The following UGT2B11 variants were observed in gnomAD, a reference collection of about 807,000 sequenced individuals.
UGT2B11 encodes UDP-glucuronosyltransferase 2B11.
A neutral mutation model predicts 51.7 loss-of-function variants in UGT2B11; 49 were observed. The observed-to-expected ratio is 0.95, with a 90% CI of 0.75 to 1.20. The LOEUF (loss-of-function observed/expected upper bound fraction) is 1.20, where lower values mean the gene tolerates loss of function less well. Ranked by LOEUF, UGT2B11 falls within the 50% of genes most tolerant of loss-of-function variation. The pLI is 0.00. For synonymous variants in UGT2B11, 273 were observed against 209.0 expected (o/e 1.31, Z -2.64); for missense variants, 810 against 622.1 (o/e 1.30, Z -3.21).
the UGT2B11 span, among the ~76,000 whole-genome samples, chr4:69,224,722 G>A: frequency 2.0e-5 from 3 of 149,854 alleles, no homozygotes; most frequent in South Asian, 4.3e-4. Flanking sequence ...CCCTTGGTGA[G>A]GGTGAGAGAG....
chr4:69,220,336 T>C, the UGT2B11 span, among the ~76,000 whole-genome samples: 7 of 152,118 alleles, frequency 4.6e-5, no homozygotes, highest in Admixed American at 3.9e-4. Flanking sequence ...CTGTGGTTTT[T>C]CCAGTTGCAT....
chr4:69,218,460 G>A (rs565768435), upstream of UGT2B11, among the ~76,000 whole-genome samples: 137 of 152,236 alleles, frequency 9.0e-4, 1 homozygote, highest in African/African-American at 3.2e-3. Flanking sequence ...TATCACAAAT[G>A]TATCAATATG....
the UGT2B11 span, among the ~76,000 whole-genome samples, chr4:69,221,712 A>G: frequency 9.9e-5 from 15 of 152,234 alleles, no homozygotes; most frequent in African/African-American, 2.4e-4. Flanking sequence ...ACAGACTTTG[A>G]GGACAGTCAT....
upstream of UGT2B11, chr4:69,214,857 G>C: frequency 7.2e-7 from 1 of 1,382,952 alleles, no homozygotes; most frequent in Non-Finnish European, 9.7e-7. Context: ...TGAGTACATG[G>C]ATGGCAAGGA....
At chr4:69,218,249 A>G (rs1329232124), upstream of UGT2B11, among the ~76,000 whole-genome samples, 2 of 152,212 alleles carry the variant, frequency 1.3e-5, no homozygotes, top group Non-Finnish European at 2.9e-5. Context: ...GTACCAAGAG[A>G]GGTCAGAAAA....
At chr4:69,211,420 A>C (rs1722059446) in intron 2 of UGT2B11, among the ~76,000 whole-genome samples, 1 of 151,574 alleles carries the variant, frequency 6.6e-6, no homozygotes, top group African/African-American at 2.4e-5. Context: ...TGACTTTGCA[A>C]GAGAATATAA....
intron 5 of UGT2B11, chr4:69,204,169 G>T: frequency 3.7e-6 from 1 of 273,002 alleles, no homozygotes. Context: ...TTTAAGAAAT[G>T]TATTTTTTAT....
In UGT2B11 at chr4:69,211,117, G is replaced by C. The variant is rs572031235; in HGVS notation, c.870+1456C>G. The C allele has an allele frequency of 3.3e-5, 5 of 151,674 alleles. No homozygotes were observed. In the South Asian group the frequency reaches 8.3e-4, roughly 25 times the overall value. 9.4% of individuals were successfully genotyped at this position (151,674 alleles called of 1,614,324 possible). On this transcript the variant is annotated intron_variant, in intron 2 of 5. Coordinates refer to ENST00000446444, the MANE Select transcript of UGT2B11 (RefSeq NM_001073.3). ...TCCAGAAAGCTTTACTGATTTGCTT[G>C]TCATAAGGCAGACATCATCTGCTCT...
the UGT2B11 span, among the ~76,000 whole-genome samples, chr4:69,221,180 A>T: frequency 2.4e-3 from 368 of 152,304 alleles, no homozygotes; most frequent in African/African-American, 8.3e-3. Flanking sequence ...ATAGGCTGTG[A>T]TATCACAGAT....
chr4:69,209,487 T>A (rs1262944789), intron 2 of UGT2B11, among the ~76,000 whole-genome samples: 2 of 151,710 alleles, frequency 1.3e-5, no homozygotes, highest in Non-Finnish European at 3.0e-5. Context: ...CTGACTTGAG[T>A]TCCCCAATGT....
chr4:69,213,479 A>G (rs1457540110), intron 1 of UGT2B11, among the ~76,000 whole-genome samples: 3 of 151,674 alleles, frequency 2.0e-5, no homozygotes, highest in Non-Finnish European at 4.4e-5. Flanking sequence ...ACTTCAAATC[A>G]CCCTTATTGA....
intron 1 of UGT2B11, among the ~76,000 whole-genome samples, chr4:69,213,604 T>A (rs1722154724): frequency 6.6e-6 from 1 of 151,846 alleles, no homozygotes; most frequent in Non-Finnish European, 1.5e-5. Context: ...AAGGAAAACT[T>A]TCTGCAGTTA....
Position 69,212,032 on chromosome 4 carries a change from C to T in UGT2B11, c.870+541G>A, listed in dbSNP as rs74506381. Among the ~76,000 whole-genome samples, 237 of 151,562 alleles carry T rather than the reference C, an allele frequency of 1.6e-3. 1 individual carries two copies. The highest frequency in any genetic ancestry group is 5.5e-3 in the African/African-American group (229 of 41,448). ...CTGCCCCTCCCCTTCATTCTTTTACCTATTCCTGCATATTTTTTAGCCCTC... is the reference window on the plus strand; with the variant it reads ...CTGCCCCTCCCCTTCATTCTTTTACTTATTCCTGCATATTTTTTAGCCCTC... On this transcript the variant is annotated intron_variant, in intron 2 of 5. Transcript: ENST00000446444.
Position 69,200,728 on chromosome 4 carries a change from T to C in UGT2B11, c.1311-9A>G. The C allele has an allele frequency of 2.5e-6, 4 of 1,603,446 alleles. No homozygotes were observed. Among genetic ancestry groups the C allele is most frequent in the Non-Finnish European group, 2.6e-6 (3 of 1,175,090 alleles). On this transcript the variant is annotated splice_polypyrimidine_tract_variant and intron_variant, in intron 5 of 5. Coordinates refer to ENST00000446444, the MANE Select transcript of UGT2B11 (RefSeq NM_001073.3). ...TAATATTCTCTTTATATCTGAAGGA[T>C]AAAAATAAGGATACCAACACTGAAA...
chr4:69,200,819 T>C (rs1475387835), intron 5 of UGT2B11, 100 bp from the exon 6 acceptor site: 4 of 1,297,040 alleles, frequency 3.1e-6, no homozygotes, highest in African/African-American at 1.5e-5. Flanking sequence ...TAATTCAAAA[T>C]AAATGTCAAA....
At chr4:69,217,191 T>C (rs570987481), upstream of UGT2B11, among the ~76,000 whole-genome samples, 63 of 152,266 alleles carry the variant, frequency 4.1e-4, no homozygotes, top group East Asian at 3.3e-3. Context: ...TCTAAATGCC[T>C]ACTCCTGAAC....
intron 5 of UGT2B11, chr4:69,201,364 G>C (rs1417636705): frequency 1.3e-5 from 2 of 151,796 alleles, no homozygotes; most frequent in African/African-American, 2.4e-5. Flanking sequence ...CCTGTAGCCA[G>C]AATGATTTTT....
chr4:69,224,387 G>A, the UGT2B11 span, among the ~76,000 whole-genome samples: 2 of 152,186 alleles, frequency 1.3e-5, no homozygotes, highest in East Asian at 3.9e-4. Context: ...CATGAAAAGT[G>A]AAAGAGTATG....
rs374982385 is a variant in UGT2B11 at position 69,208,652 on chromosome 4, A to G, written c.871-170T>C. ...GTTTCTTTGCAAGAAGATGTTTGAG[A>G]TAGTTGGCCTCTGTTAAGGATATTT... On this transcript the variant is annotated intron_variant, in intron 2 of 5. Coordinates refer to ENST00000446444, the MANE Select transcript of UGT2B11 (RefSeq NM_001073.3). Among the ~76,000 whole-genome samples the G allele has an allele frequency of 8.6e-5, 13 of 151,732 alleles. No homozygotes were observed. The East Asian group carries it at 2.3e-3, about 27-fold the overall frequency.
Sources: gnomAD v4.1 joint callset for allele counts (sites outside exome capture counted in the v4.1 genomes callset) on GRCh38, gnomAD v4.1.1 for gene constraint, MANE v1.5 for transcripts, NCBI Gene and HGNC (gene_info 2026-07-23, HGNC 2026-07-21) for gene names.